Variants in GRID2 observed in about 807,000 individuals in gnomAD.
The protein encoded by GRID2 is glutamate receptor ionotropic, delta-2.
In GRID2, 33 loss-of-function variants were observed where a neutral mutation model predicts 114.8. That is an observed-to-expected ratio of 0.29 (90% CI 0.22 to 0.38). The LOEUF is 0.38. Among genes scored for constraint, GRID2 ranks in the 10% least tolerant of loss-of-function variants. The pLI is 1.00. For missense variants in GRID2, 1,184 were observed against 1,257.7 expected (o/e 0.94, Z 0.89); for synonymous variants, 505 against 449.9 (o/e 1.12, Z -1.55).
chr4:92,385,440 A>G (rs983653353), intron 1 of GRID2, among the ~76,000 whole-genome samples: 1 of 151,836 alleles, frequency 6.6e-6, no homozygotes, highest in Non-Finnish European at 1.5e-5. Flanking sequence ...AAAAATTATT[A>G]AAAATTGACT....
chr4:93,405,614 A>G (rs1036903409), intron 9 of GRID2, among the ~76,000 whole-genome samples: 1 of 152,220 alleles, frequency 6.6e-6, no homozygotes, highest in Non-Finnish European at 1.5e-5. Flanking sequence ...ATATAAAAAC[A>G]GTAGGTAGAT....
At position 93,417,026 on chromosome 4, in the gene GRID2, G is replaced by A. The variant is rs142293690; in HGVS notation, c.1348-5745G>A. On this transcript the variant is annotated intron_variant, in intron 9 of 15. Coordinates refer to ENST00000282020, the MANE Select transcript of GRID2 (RefSeq NM_001510.4). ...GTAATTTGTTTTCATTTAATAGGCA[G>A]ACAGGTTTTCACCAATTTAGACTCA... is the stretch of plus-strand genomic sequence containing the variant. 9.9e-5 allele frequency among the ~76,000 whole-genome samples: 15 copies of A among 152,178 alleles called. No homozygotes were observed. In the East Asian group the frequency reaches 2.7e-3, roughly 27 times the overall value.
chr4:93,239,984 C>A (rs1175840601), intron 8 of GRID2, among the ~76,000 whole-genome samples: 2 of 151,560 alleles, frequency 1.3e-5, no homozygotes, highest in African/African-American at 4.8e-5. Flanking sequence ...CATGGAGTGG[C>A]AGTTTATTCA....
intron 4 of GRID2, among the ~76,000 whole-genome samples, chr4:93,176,960 G>A (rs1579201234): frequency 6.6e-6 from 1 of 152,094 alleles, no homozygotes; most frequent in South Asian, 2.1e-4. Context: ...TGTTGACTTC[G>A]TTTCTCACCT....
chr4:93,132,370 GAAC>G (rs1051460356), intron 4 of GRID2, among the ~76,000 whole-genome samples: 1 of 152,162 alleles, frequency 6.6e-6, no homozygotes, highest in Non-Finnish European at 1.5e-5. Flanking sequence ...GCCCATTTAA[GAAC>G]CTTGACACAA....
At chr4:92,489,206 A>G (rs1450874162) in intron 1 of GRID2, among the ~76,000 whole-genome samples, 2 of 152,230 alleles carry the variant, frequency 1.3e-5, no homozygotes, top group Non-Finnish European at 2.9e-5. Flanking sequence ...ATTGCACTCT[A>G]TGGTTGATAA....
chr4:93,097,627 C>G (rs746027121), intron 3 of GRID2, among the ~76,000 whole-genome samples: 1 of 151,884 alleles, frequency 6.6e-6, no homozygotes, highest in Non-Finnish European at 1.5e-5. Context: ...GATAAGCCAG[C>G]TTTGTTCCTT....
chr4:92,843,233 C>T (rs541782463), intron 2 of GRID2, among the ~76,000 whole-genome samples: 2 of 152,028 alleles, frequency 1.3e-5, no homozygotes, highest in East Asian at 3.9e-4. Context: ...CAGAGTAAGA[C>T]TCTGTCTCCG....
At chr4:93,407,561 G>T (rs544075381) in intron 9 of GRID2, among the ~76,000 whole-genome samples, 35 of 152,220 alleles carry the variant, frequency 2.3e-4, no homozygotes, top group African/African-American at 8.4e-4. Context: ...AGTCCATAAT[G>T]CTTGAAACTG....
chr4:93,550,058 A>G (rs1277410416), intron 13 of GRID2, among the ~76,000 whole-genome samples: 1 of 151,696 alleles, frequency 6.6e-6, no homozygotes, highest in Non-Finnish European at 1.5e-5. Context: ...TTCTCTCTTC[A>G]CTTATCCTTT....
chr4:92,945,003 C>A (rs1339966741), intron 2 of GRID2, among the ~76,000 whole-genome samples: 1 of 152,042 alleles, frequency 6.6e-6, no homozygotes, highest in Non-Finnish European at 1.5e-5. Context: ...TGAATAATTG[C>A]TTTTGTGTAT....
rs979962145 is a variant in GRID2 at position 93,773,636 on chromosome 4, A to C, written c.*1138A>C. 1 of 152,120 alleles carries C rather than the reference A, an allele frequency of 6.6e-6. No homozygotes were observed. The highest frequency in any genetic ancestry group is 6.5e-5 in the Admixed American group (1 of 15,272). The allele number at this position is 152,120 out of a possible 1,614,324, so 9.4% of individuals were successfully genotyped here. ...CTCTAGAAGAGTTGAAACATAGATC[A>C]TTGAAGGTTAAAAATCCTCTTCCAA... is the stretch of plus-strand genomic sequence containing the variant. On this transcript the variant is annotated 3_prime_UTR_variant, in exon 16 of 16. Transcript: ENST00000282020.
At chr4:92,457,887 T>A (rs1721295297) in intron 1 of GRID2, among the ~76,000 whole-genome samples, 1 of 152,206 alleles carries the variant, frequency 6.6e-6, no homozygotes, top group Non-Finnish European at 1.5e-5. Context: ...ATTTCTCTAC[T>A]ACAAATTTTC....
At chr4:92,403,855 GGAGA>G (rs1179394881) in intron 1 of GRID2, among the ~76,000 whole-genome samples, 1 of 152,024 alleles carries the variant, frequency 6.6e-6, no homozygotes, top group Non-Finnish European at 1.5e-5. Flanking sequence ...TCAAAGACAG[GGAGA>G]GAGATAGGGA....
intron 2 of GRID2, among the ~76,000 whole-genome samples, chr4:92,630,844 A>C (rs1239909803): frequency 6.6e-6 from 1 of 152,086 alleles, no homozygotes; most frequent in Non-Finnish European, 1.5e-5. Flanking sequence ...GATGGTTTTA[A>C]ACTATAATCC....
chr4:92,579,128 G>A (rs980730339), intron 1 of GRID2, among the ~76,000 whole-genome samples: 2 of 151,958 alleles, frequency 1.3e-5, no homozygotes, highest in African/African-American at 4.8e-5. Flanking sequence ...CATACACCAG[G>A]AGGGCATAAG....
intron 1 of GRID2, among the ~76,000 whole-genome samples, chr4:92,325,135 A>G (rs1726527352): frequency 6.6e-6 from 1 of 151,854 alleles, no homozygotes. Context: ...TTGGAGCTTT[A>G]ATTGTTAATT....
At chr4:92,982,580 A>G (rs1409583565) in intron 2 of GRID2, among the ~76,000 whole-genome samples, 1 of 151,956 alleles carries the variant, frequency 6.6e-6, no homozygotes, top group South Asian at 2.1e-4. Flanking sequence ...CTCACCATCA[A>G]TGCCTTAGTT....
Position 93,457,313 on chromosome 4 carries a change from A to C in GRID2, c.1858+1339A>C, listed in dbSNP as rs1256438444. 3.3e-5 allele frequency among the ~76,000 whole-genome samples: 5 copies of C among 152,070 alleles called. No homozygotes were observed. The East Asian group carries it at 9.7e-4, about 29-fold the overall frequency. ...CTATGGAAAGTGCTTCTTGAGGAAG[A>C]TGAATGGAGAAAAGGAGACATAAAC... On this transcript the variant is annotated intron_variant, in intron 11 of 15. Transcript: ENST00000282020.
Sources: gnomAD v4.1 joint callset for allele counts (sites outside exome capture counted in the v4.1 genomes callset) on GRCh38, gnomAD v4.1.1 for gene constraint, MANE v1.5 for transcripts, NCBI Gene and HGNC (gene_info 2026-07-23, HGNC 2026-07-21) for gene names.